Variants in ARCN1 observed in about 807,000 individuals in gnomAD.
The protein encoded by ARCN1 is coatomer subunit delta.
ARCN1 carries 5 observed loss-of-function variants against 60.4 expected under a neutral mutation model. The observed-to-expected ratio is 0.08, with a 90% CI of 0.04 to 0.17. The LOEUF is 0.17. ARCN1 is among the 10% of genes least tolerant of loss of function. The probability of loss-of-function intolerance (pLI) is 1.00; values close to 1 mark genes in which losing one functional copy is unlikely to be tolerated. For synonymous variants in ARCN1, 224 were observed against 220.0 expected, an observed-to-expected ratio of 1.02 and a Z score of -0.16; for missense variants, 464 against 626.5, an observed-to-expected ratio of 0.74 and a Z score of 2.77.
At chr11:118,578,952 T>C (rs1342054543) in intron 1 of ARCN1, among the ~76,000 whole-genome samples, 1 of 150,132 alleles carries the variant, frequency 6.7e-6, no homozygotes, top group Non-Finnish European at 1.5e-5. Context: ...ATAAATTTTT[T>C]TCATGAGATG....
intron 6 of ARCN1, 135 bp from the exon 7 acceptor site, chr11:118,592,574 C>T (rs1254342824): frequency 1.7e-6 from 1 of 595,650 alleles, no homozygotes; most frequent in East Asian, 2.8e-5. Context: ...GGAAATCTTT[C>T]TTCAAAATGA....
At position 118,601,702 on chromosome 11, in the gene ARCN1, C is replaced by T. The variant is rs987636961; in HGVS notation, c.*988C>T. 1 of 702,986 alleles carries T rather than the reference C, an allele frequency of 1.4e-6. No individual in the cohort carries two copies. The highest frequency in any genetic ancestry group is 1.7e-5 in the African/African-American group (1 of 57,374). The allele number at this position is 702,986 out of a possible 1,614,324, so 43.5% of individuals were successfully genotyped here. A position where few individuals can be genotyped will look rare whatever the true frequency, so the allele number is the denominator to read the frequency against. ...TTCATCTCTTTGCCAAGTTGTTTTC[C>T]TTTCAGGGCCTGTCCTTCCAGTTTA... On this transcript the variant is annotated 3_prime_UTR_variant, in exon 10 of 10. Transcript: ENST00000264028.
chr11:118,585,264 T>C (rs1215920514), intron 5 of ARCN1, among the ~76,000 whole-genome samples: 1 of 152,140 alleles, frequency 6.6e-6, no homozygotes, highest in Non-Finnish European at 1.5e-5. Flanking sequence ...ACCTGACCTT[T>C]TCCTTTTTCC....
intron 9 of ARCN1, among the ~76,000 whole-genome samples, chr11:118,599,154 G>T (rs190739114): frequency 6.7e-6 from 1 of 150,106 alleles, no homozygotes; most frequent in Non-Finnish European, 1.5e-5. Flanking sequence ...GTGCAATGGC[G>T]TGATGTTGGT....
chr11:118,594,781 C>T (rs1938989757), intron 8 of ARCN1, among the ~76,000 whole-genome samples: 1 of 151,852 alleles, frequency 6.6e-6, no homozygotes, highest in Admixed American at 6.6e-5. Context: ...AACTCCTGAC[C>T]TTAGATGATC....
chr11:118,581,107 G>A (rs1470996181), intron 1 of ARCN1, 139 bp from the exon 2 acceptor site: 2 of 1,108,184 alleles, frequency 1.8e-6, no homozygotes, highest in Non-Finnish European at 2.6e-6. Flanking sequence ...GTGACAGAGT[G>A]AGACCCTGTC....
In ARCN1 at chr11:118,590,433, G is replaced by T; in HGVS notation, c.911G>T (p.Arg304Met). ...NMELHGMIMLRISDDKYGRIR... is the reference protein window; with the variant it reads ...NMELHGMIMLMISDDKYGRIR... ...GAGTTGCATGGCATGATCATGCTTA[G>T]GATCTCAGATGACAAGTATGGCCGA... Residue 304 changes from arginine to methionine, a missense_variant, in exon 6 of 10, where the codon AGG becomes ATG. Arg to Met is a moderately conservative substitution (Grantham distance 91). Transcript: ENST00000264028. The T allele has an allele frequency of 6.2e-7, 1 of 1,614,238 alleles. No homozygotes were observed. The highest frequency in any genetic ancestry group is 1.3e-5 in the African/African-American group (1 of 75,066).
intron 2 of ARCN1, among the ~76,000 whole-genome samples, chr11:118,581,967 C>CACACACACACA (rs1591383666): frequency 6.6e-5 from 10 of 150,464 alleles, no homozygotes; most frequent in South Asian, 2.1e-4. Context: ...CACACACACA[C>CACACACACACA]CTTTTAAGAC....
At chr11:118,595,693 CAAT>C (rs782245509) in intron 8 of ARCN1, among the ~76,000 whole-genome samples, 1 of 152,206 alleles carries the variant, frequency 6.6e-6, no homozygotes, top group Non-Finnish European at 1.5e-5. Context: ...TGATTAAGCA[CAAT>C]GTTTAATTAT....
Position 118,602,761 on chromosome 11 carries a change from A to T in ARCN1, c.*2047A>T, listed in dbSNP as rs1591395358. 1 of 153,872 alleles carries T rather than the reference A, an allele frequency of 6.5e-6. No homozygotes were observed. The highest frequency in any genetic ancestry group is 2.4e-5 in the African/African-American group (1 of 41,576). 9.5% of individuals were successfully genotyped at this position (153,872 alleles called of 1,614,324 possible). A position where few individuals can be genotyped will look rare whatever the true frequency, so the allele number is the denominator to read the frequency against. On this transcript the variant is annotated 3_prime_UTR_variant, in exon 10 of 10. Coordinates refer to ENST00000264028, the MANE Select transcript of ARCN1 (RefSeq NM_001655.5). ...AAGTTGTTTGTCCGTATGATTTTTT[A>T]AAAGTCAAGTTTAATTTCAAAAAAC...
chr11:118,594,431 G>T (rs1938982039), intron 8 of ARCN1, among the ~76,000 whole-genome samples: 1 of 152,028 alleles, frequency 6.6e-6, no homozygotes, highest in Admixed American at 6.6e-5. Flanking sequence ...TTGTGGTGGT[G>T]CTTACTGCAT....
chr11:118,589,020 AAAC>A (rs141567668), intron 5 of ARCN1, among the ~76,000 whole-genome samples: 21,192 of 152,052 alleles, frequency 0.14, 2,055 homozygotes, highest in East Asian at 0.51. Flanking sequence ...CTCTATCTCA[AAAC>A]AACAACAACA....
chr11:118,576,953 G>A (rs782506092), intron 1 of ARCN1, among the ~76,000 whole-genome samples: 1 of 152,154 alleles, frequency 6.6e-6, no homozygotes, highest in Non-Finnish European at 1.5e-5. Flanking sequence ...GGGAGGCTCA[G>A]GCGGGCAGAT....
At chr11:118,592,670 A>T in intron 6 of ARCN1, 39 bp from the exon 7 acceptor site, 1 of 1,587,226 alleles carries the variant, frequency 6.3e-7, no homozygotes, top group East Asian at 2.2e-5. Context: ...TTTCTCGTCT[A>T]TCTGAACCTC....
At chr11:118,576,274 T>G (rs1048620021) in intron 1 of ARCN1, among the ~76,000 whole-genome samples, 5 of 151,886 alleles carry the variant, frequency 3.3e-5, no homozygotes, top group African/African-American at 1.2e-4. Context: ...AAAAGTTGTT[T>G]GGCAAAGCTC....
At chr11:118,588,402 A>G (rs528479608) in intron 5 of ARCN1, among the ~76,000 whole-genome samples, 1 of 152,340 alleles carries the variant, frequency 6.6e-6, no homozygotes, top group East Asian at 1.9e-4. Flanking sequence ...CCCCAACATT[A>G]TGTATAATAA....
At chr11:118,597,558 G>C (rs1188840624) in intron 8 of ARCN1, 149 bp from the exon 9 acceptor site, 5 of 614,644 alleles carry the variant, frequency 8.1e-6, no homozygotes, top group African/African-American at 3.8e-5. Context: ...TTCATCGTTT[G>C]ATCCTTGAAG....
chr11:118,598,733 G>C (rs545586082), intron 9 of ARCN1, among the ~76,000 whole-genome samples: 1 of 151,968 alleles, frequency 6.6e-6, no homozygotes, highest in South Asian at 2.1e-4. Flanking sequence ...GACCTCAGGT[G>C]ATCTACCCGC....
intron 1 of ARCN1, among the ~76,000 whole-genome samples, chr11:118,578,328 C>A (rs1394582431): frequency 1.3e-5 from 2 of 151,890 alleles, no homozygotes; most frequent in East Asian, 3.9e-4. Flanking sequence ...CAGTTGGAAA[C>A]CTAAGAACTA....
Sources: gnomAD v4.1 joint callset for allele counts (sites outside exome capture counted in the v4.1 genomes callset) on GRCh38, gnomAD v4.1.1 for gene constraint, MANE v1.5 for transcripts, NCBI Gene and HGNC (gene_info 2026-07-23, HGNC 2026-07-21) for gene names.